The following PLAGL1 variants were observed in gnomAD, a reference collection of about 807,000 sequenced individuals.
The protein encoded by PLAGL1 is PLAG1 like zinc finger 1.
PLAGL1 carries 1 observed loss-of-function variant against 4.6 expected under a neutral mutation model. That is an observed-to-expected ratio of 0.22 (90% confidence interval 0.08 to 1.03). The LOEUF (loss-of-function observed/expected upper bound fraction) is 1.03. Ranked by LOEUF, PLAGL1 falls within the 50% of genes least tolerant of loss-of-function variation. PLAGL1 has a pLI of 0.58. For synonymous variants in PLAGL1, 240 were observed against 237.8 expected, an observed-to-expected ratio of 1.01 and a Z score of -0.08; for missense variants, 464 against 570.4, an observed-to-expected ratio of 0.81 and a Z score of 1.90.
chr6:143,956,175 C>A (rs936383118), intron 6 of PLAGL1, among the ~76,000 whole-genome samples: 1 of 152,208 alleles, frequency 6.6e-6, no homozygotes, highest in Non-Finnish European at 1.5e-5. Context: ...CAGTGACTCA[C>A]GTGTTCAACC....
chr6:144,041,557 C>T (rs972091049), intron 1 of PLAGL1, among the ~76,000 whole-genome samples: 1 of 152,140 alleles, frequency 6.6e-6, no homozygotes, highest in African/African-American at 2.4e-5. Context: ...GTATATGTGC[C>T]ACATTTTCTT....
At chr6:143,992,534 G>C (rs1790697644) in intron 1 of PLAGL1, among the ~76,000 whole-genome samples, 1 of 152,208 alleles carries the variant, frequency 6.6e-6, no homozygotes, top group Admixed American at 6.5e-5. Context: ...CCTTGGTTTA[G>C]CGGTCAGCAG....
rs913298316 is a variant in PLAGL1, at chr6:144,063,125, C to T, written c.-151+1343G>A. 6.6e-6 allele frequency among the ~76,000 whole-genome samples: 1 copy of T among 152,256 alleles called. No homozygotes were observed. The highest frequency in any genetic ancestry group is 6.5e-5 in the Admixed American group (1 of 15,288). On this transcript the variant is annotated intron_variant, in intron 1 of 3. Coordinates refer to the PLAGL1 transcript ENST00000437412. The surrounding 1 kb of genome is among the most constrained non-coding windows in gnomAD (Gnocchi z 5.7). Reference sequence around the variant, plus strand: ...CCCGTGGCAAGGGTATCCTGCCACACTCCTCTCACTCAGCCCAAAGATCAC... The same window carrying T: ...CCCGTGGCAAGGGTATCCTGCCACATTCCTCTCACTCAGCCCAAAGATCAC...
intron 1 of PLAGL1, among the ~76,000 whole-genome samples, chr6:143,991,834 G>C (rs1409427023): frequency 6.6e-6 from 1 of 152,214 alleles, no homozygotes; most frequent in African/African-American, 2.4e-5. Context: ...GTTATATGCA[G>C]TACCTAGACC....
chr6:144,040,653 G>T (rs1277627376), intron 1 of PLAGL1, among the ~76,000 whole-genome samples: 1 of 152,230 alleles, frequency 6.6e-6, no homozygotes, highest in East Asian at 1.9e-4. Context: ...AAGGCAGTCA[G>T]ATCACTTGAG....
rs928160525 is a variant in PLAGL1 at position 144,015,539 on chromosome 6, G to A, written c.-150-46561C>T. 4.6e-5 allele frequency among the ~76,000 whole-genome samples: 7 copies of A among 152,174 alleles called. No individual in the cohort carries two copies. The highest frequency in any genetic ancestry group is 1.7e-4 in the African/African-American group (7 of 41,446). On this transcript the variant is annotated intron_variant, in intron 1 of 3. Coordinates refer to the PLAGL1 transcript ENST00000437412. The surrounding 1 kb of genome is among the most constrained non-coding windows in gnomAD (Gnocchi z 4.3). ...AATGCATATATCTGACATAGGACTT[G>A]CACTAAAATATTTGAAGAACCCAAT...
At chr6:143,969,635 A>T (rs967205493) in intron 2 of PLAGL1, among the ~76,000 whole-genome samples, 95 of 150,228 alleles carry the variant, frequency 6.3e-4, no homozygotes, top group African/African-American at 1.4e-3. Context: ...AAAAAAAAAA[A>T]TTTTTTTTTT....
rs5880579 is a variant in PLAGL1, at chr6:143,957,299, T to TG, written c.-325+3169dup. ...TGAATGAAGACTCTCAGGAGTCTGG[T>TG]GGGGGGGTGAGGGGTGGAGAGCAAC... On this transcript the variant is annotated intron_variant, in intron 6 of 7. Transcript: ENST00000674357. This position sits in a 1 kb window ranked among gnomAD's most constrained non-coding sequence, Gnocchi z 4.2. Among the ~76,000 whole-genome samples the TG allele has an allele frequency of 2.5e-3, 382 of 152,022 alleles. 3 individuals carry two copies. The highest frequency in any genetic ancestry group is 8.6e-3 in the African/African-American group (355 of 41,426).
At chr6:143,986,912 G>T (rs1345563204) in intron 1 of PLAGL1, among the ~76,000 whole-genome samples, 1 of 152,128 alleles carries the variant, frequency 6.6e-6, no homozygotes, top group Non-Finnish European at 1.5e-5. Flanking sequence ...GGAGGAGAAT[G>T]CATTATTAGC....
In PLAGL1 at chr6:143,997,693, A is replaced by AC. The variant is rs1460342122; in HGVS notation, c.-584+10396_-584+10397insG. Among the ~76,000 whole-genome samples, 1 of 151,944 alleles carries AC rather than the reference A, an allele frequency of 6.6e-6. No individual in the cohort carries two copies. The highest frequency in any genetic ancestry group is 1.5e-5 in the Non-Finnish European group (1 of 67,976). On this transcript the variant is annotated intron_variant, in intron 1 of 7. Coordinates refer to ENST00000674357, the MANE Select transcript of PLAGL1 (RefSeq NM_001317162.2). The surrounding 1 kb of genome is among the most constrained non-coding windows in gnomAD (Gnocchi z 4.6). ...AGAGTGAGATACCATCTTGGGGCGG[A>AC]GGGGGCTGGCGGGGAAGGAATAGAT...
rs1169256777 is a variant in PLAGL1 at position 144,048,282 on chromosome 6, A to G, written c.-151+16186T>C. Among the ~76,000 whole-genome samples the G allele has an allele frequency of 6.6e-6, 1 of 152,138 alleles. No individual in the cohort carries two copies. Among genetic ancestry groups the G allele is most frequent in the East Asian group, 1.9e-4 (1 of 5,174 alleles). ...CACAGTGCAAGCTGTCAGTGGATCTAGCATTCTGGGATCTGGAGGACAGTG... is the reference window on the plus strand; with the variant it reads ...CACAGTGCAAGCTGTCAGTGGATCTGGCATTCTGGGATCTGGAGGACAGTG... On this transcript the variant is annotated intron_variant, in intron 1 of 3. Transcript: ENST00000437412. This position sits in a 1 kb window ranked among gnomAD's most constrained non-coding sequence, Gnocchi z 4.8.
Position 143,950,966 on chromosome 6 carries a change from A to G in PLAGL1, c.-324-2506T>C, listed in dbSNP as rs547669263. Reference sequence around the variant, plus strand: ...AGGCAGACTCTTGGTATTCCCATCAAAGGAGAGGAAGGCAAGGCTGTGCTT... The same window carrying G: ...AGGCAGACTCTTGGTATTCCCATCAGAGGAGAGGAAGGCAAGGCTGTGCTT... On this transcript the variant is annotated intron_variant, in intron 6 of 7. Transcript: ENST00000674357. The surrounding 1 kb of genome is among the most constrained non-coding windows in gnomAD (Gnocchi z 6.3). Among the ~76,000 whole-genome samples, 1 of 152,322 alleles carries G rather than the reference A, an allele frequency of 6.6e-6. No homozygotes were observed. The highest frequency in any genetic ancestry group is 2.4e-5 in the African/African-American group (1 of 41,576).
chr6:143,966,490 C>CG lies in PLAGL1; in HGVS notation c.-471-293_-471-292insC, dbSNP rs1784444016. 6.6e-6 allele frequency: 1 copy of CG among 152,202 alleles called. No homozygotes were observed. The highest frequency in any genetic ancestry group is 2.4e-5 in the African/African-American group (1 of 41,444). 9.4% of individuals were successfully genotyped at this position (152,202 alleles called of 1,614,324 possible). ...CTAAATCTTCCCTGACTCAGCACAACATCTTTGTGCACTCTGATTTGAATA... is the reference window on the plus strand; with the variant it reads ...CTAAATCTTCCCTGACTCAGCACAACGATCTTTGTGCACTCTGATTTGAATA... On this transcript the variant is annotated intron_variant, in intron 3 of 7. Coordinates refer to ENST00000674357, the MANE Select transcript of PLAGL1 (RefSeq NM_001317162.2). This position sits in a 1 kb window ranked among gnomAD's most constrained non-coding sequence, Gnocchi z 6.0.
intron 1 of PLAGL1, among the ~76,000 whole-genome samples, chr6:144,026,288 C>T (rs913378299): frequency 2.0e-5 from 3 of 152,022 alleles, no homozygotes; most frequent in Admixed American, 6.6e-5. Flanking sequence ...CAAGGAGCTT[C>T]GGTTTAGCAG....
chr6:143,964,022 C>T lies in PLAGL1; in HGVS notation c.-399+765G>A, dbSNP rs2268450. ...GAAATTCTGCTGGACTTCTGGGAGG[C>T]GAGAAGGAGAAGCAGAGGAGAAGCT... is the stretch of plus-strand genomic sequence containing the variant. On this transcript the variant is annotated intron_variant, in intron 5 of 7. Transcript: ENST00000674357. This position sits in a 1 kb window ranked among gnomAD's most constrained non-coding sequence, Gnocchi z 4.3. 1.1e-4 allele frequency among the ~76,000 whole-genome samples: 17 copies of T among 152,032 alleles called. No individual in the cohort carries two copies. Among genetic ancestry groups the T allele is most frequent in the African/African-American group, 3.1e-4 (13 of 41,450 alleles).
At chr6:144,002,698 AC>A (rs1479043939) in intron 1 of PLAGL1, among the ~76,000 whole-genome samples, 3 of 152,168 alleles carry the variant, frequency 2.0e-5, no homozygotes, top group Non-Finnish European at 4.4e-5. Context: ...CATCAAAAAA[AC>A]ATTAAATGTC....
chr6:143,970,047 A>G lies in PLAGL1; in HGVS notation c.-543-1069T>C, dbSNP rs553728136. Among the ~76,000 whole-genome samples, 227 of 152,346 alleles carry G rather than the reference A, an allele frequency of 1.5e-3. No homozygotes were observed. The highest frequency in any genetic ancestry group is 5.1e-3 in the African/African-American group (213 of 41,582). ...CTTAAACCCATCAACCCTCACCTCCACAGATATAAATTCATTACTGATTAG... is the reference window on the plus strand; with the variant it reads ...CTTAAACCCATCAACCCTCACCTCCGCAGATATAAATTCATTACTGATTAG... On this transcript the variant is annotated intron_variant, in intron 2 of 7. Coordinates refer to ENST00000674357, the MANE Select transcript of PLAGL1 (RefSeq NM_001317162.2). This position sits in a 1 kb window ranked among gnomAD's most constrained non-coding sequence, Gnocchi z 5.8.
At chr6:144,019,609 G>C (rs749587429) in intron 1 of PLAGL1, among the ~76,000 whole-genome samples, 5 of 152,072 alleles carry the variant, frequency 3.3e-5, no homozygotes, top group Non-Finnish European at 5.9e-5. Context: ...GAATGTCATT[G>C]TTCCTAGGAG....
chr6:144,017,964 T>C (rs576022827), intron 1 of PLAGL1, among the ~76,000 whole-genome samples: 5 of 152,324 alleles, frequency 3.3e-5, no homozygotes, highest in South Asian at 4.1e-4. Flanking sequence ...AGGTTCAAGA[T>C]TGTAATCATT....
Sources: gnomAD v4.1 joint callset for allele counts (sites outside exome capture counted in the v4.1 genomes callset) on GRCh38, gnomAD v4.1.1 for gene constraint, Gnocchi (gnomAD v3.1) non-coding constraint, MANE v1.5 for transcripts, NCBI Gene and HGNC (gene_info 2026-07-23, HGNC 2026-07-21) for gene names.